Variants in IL34 observed in about 807,000 individuals in gnomAD.
IL34 encodes interleukin 34, also known as interleukin-34.
Under a neutral mutation model 25.3 loss-of-function variants are expected in IL34, and 17 were observed. The observed-to-expected ratio is 0.67, with a 90% CI of 0.46 to 1.01. The LOEUF (loss-of-function observed/expected upper bound fraction) is 1.01. Among genes scored for constraint, IL34 ranks in the 50% least tolerant of loss-of-function variants. IL34 has a pLI of 0.00. For missense variants in IL34, 368 were observed against 312.9 expected, an observed-to-expected ratio of 1.18 and a Z score of -1.33; for synonymous variants, 174 against 140.9, an observed-to-expected ratio of 1.23 and a Z score of -1.66.
intron 1 of IL34, among the ~76,000 whole-genome samples, chr16:70,594,958 T>C (rs976380527): frequency 2.8e-4 from 42 of 150,672 alleles, no homozygotes; most frequent in African/African-American, 8.6e-4. Flanking sequence ...TCTCTCTCTT[T>C]TTTTTTTTTT....
chr16:70,628,599 A>G lies in IL34; in HGVS notation c.-400-17949A>G, dbSNP rs1201903597. Among the ~76,000 whole-genome samples, 3 of 150,554 alleles carry G rather than the reference A, an allele frequency of 2.0e-5. No homozygotes were observed. The Admixed American group carries it at 2.0e-4, about 10-fold the overall frequency. On this transcript the variant is annotated intron_variant, in intron 1 of 6. Transcript: ENST00000429149. ...GCTCGCGGGTTCAAGCGATTCTCCTACCTCAGCCTCCCAAGCAGCTGGGAT... is the reference window on the plus strand; with the variant it reads ...GCTCGCGGGTTCAAGCGATTCTCCTGCCTCAGCCTCCCAAGCAGCTGGGAT...
At chr16:70,600,718 A>G (rs1388279390) in intron 1 of IL34, among the ~76,000 whole-genome samples, 1 of 152,214 alleles carries the variant, frequency 6.6e-6, no homozygotes, top group East Asian at 1.9e-4. Flanking sequence ...TAACTGGTTG[A>G]TATGACAATA....
chr16:70,588,558 T>C (rs2050719163), intron 1 of IL34, among the ~76,000 whole-genome samples: 1 of 151,790 alleles, frequency 6.6e-6, no homozygotes, highest in Middle Eastern at 3.2e-3. Flanking sequence ...TCTGGATATA[T>C]ACCAAAAAGA....
At chr16:70,637,536 G>C (rs907112199) in intron 1 of IL34, among the ~76,000 whole-genome samples, 8 of 151,976 alleles carry the variant, frequency 5.3e-5, no homozygotes, top group Admixed American at 3.3e-4. Flanking sequence ...TAGAGACGGG[G>C]TTTTACCATG....
chr16:70,584,619 C>G (rs913037112), intron 1 of IL34, among the ~76,000 whole-genome samples: 1 of 152,162 alleles, frequency 6.6e-6, no homozygotes, highest in African/African-American at 2.4e-5. Context: ...GCTTTGTCAC[C>G]CAGGCATCTT....
At chr16:70,620,187 A>T (rs2051250373) in intron 1 of IL34, among the ~76,000 whole-genome samples, 1 of 152,172 alleles carries the variant, frequency 6.6e-6, no homozygotes, top group Non-Finnish European at 1.5e-5. Context: ...TGAGAATAAG[A>T]TGGCCTTTTG....
chr16:70,584,934 C>CCTTGAACCAA (rs2151802895), intron 1 of IL34, among the ~76,000 whole-genome samples: 1 of 152,280 alleles, frequency 6.6e-6, no homozygotes, highest in South Asian at 2.1e-4. Flanking sequence ...CTCCTGACCT[C>CCTTGAACCAA]AGGCAATCTG....
intron 1 of IL34, among the ~76,000 whole-genome samples, chr16:70,603,249 C>T (rs1281433675): frequency 6.6e-6 from 1 of 152,174 alleles, no homozygotes; most frequent in Non-Finnish European, 1.5e-5. Flanking sequence ...TTAGATACAA[C>T]ATAATAAATA....
chr16:70,619,350 G>A (rs375182956), intron 1 of IL34, among the ~76,000 whole-genome samples: 17 of 152,246 alleles, frequency 1.1e-4, no homozygotes, highest in African/African-American at 4.1e-4. Flanking sequence ...GGAGGCTTTG[G>A]ATTGGGAAGA....
At chr16:70,605,275 C>G (rs2050985947) in intron 1 of IL34, among the ~76,000 whole-genome samples, 5 of 152,156 alleles carry the variant, frequency 3.3e-5, no homozygotes. Flanking sequence ...GAGAAGAGTC[C>G]AGGACCCTCT....
intron 1 of IL34, among the ~76,000 whole-genome samples, chr16:70,618,407 A>C (rs916349709): frequency 1.3e-5 from 2 of 152,294 alleles, no homozygotes; most frequent in East Asian, 3.9e-4. Context: ...GAGACTCAAC[A>C]AAGAGTGAGT....
intron 1 of IL34, among the ~76,000 whole-genome samples, chr16:70,650,374 G>C (rs530251052): frequency 1.8e-4 from 28 of 152,332 alleles, no homozygotes; most frequent in Admixed American, 1.7e-3. Context: ...CAGATCATCT[G>C]TGGACAGGGT....
chr16:70,604,352 C>T (rs1278318692), intron 1 of IL34, among the ~76,000 whole-genome samples: 1 of 152,224 alleles, frequency 6.6e-6, no homozygotes, highest in African/African-American at 2.4e-5. Flanking sequence ...ATTTCCCCTA[C>T]ACCACTGGCC....
Position 70,601,750 on chromosome 16 carries a change from C to T in IL34, c.-401+21701C>T, listed in dbSNP as rs138527514. ...AGCTCCTGCTGGGTTTCCCAGCAGC[C>T]CCAGGTGGGATGGGGACAGAGGGAA... On this transcript the variant is annotated intron_variant, in intron 1 of 6. Transcript: ENST00000429149. Among the ~76,000 whole-genome samples the T allele has an allele frequency of 6.1e-3, 928 of 152,286 alleles. 10 individuals carry two copies. Among genetic ancestry groups the T allele is most frequent in the African/African-American group, 0.021 (870 of 41,556 alleles).
intron 1 of IL34, among the ~76,000 whole-genome samples, chr16:70,636,621 A>G (rs1375232223): frequency 6.9e-6 from 1 of 145,712 alleles, no homozygotes; most frequent in Non-Finnish European, 1.5e-5. Flanking sequence ...ACACACACAC[A>G]CACACACAAA....
At chr16:70,582,136 G>C (rs1019194421) in intron 1 of IL34, among the ~76,000 whole-genome samples, 1 of 152,196 alleles carries the variant, frequency 6.6e-6, no homozygotes, top group South Asian at 2.1e-4. Flanking sequence ...CAGCTTCATC[G>C]TAACTAGAGT....
At chr16:70,626,034 G>C (rs1041061988) in intron 1 of IL34, among the ~76,000 whole-genome samples, 1 of 152,234 alleles carries the variant, frequency 6.6e-6, no homozygotes, top group African/African-American at 2.4e-5. Flanking sequence ...TCCATGAGAA[G>C]AGACCACCAC....
intron 1 of IL34, among the ~76,000 whole-genome samples, chr16:70,635,287 A>G (rs1294891739): frequency 4.6e-5 from 7 of 152,238 alleles, no homozygotes; most frequent in Admixed American, 1.3e-4. Flanking sequence ...TCTTTGCTCC[A>G]TAGAGGGGAT....
At chr16:70,655,058 CTT>C (rs201599880) in intron 2 of IL34, among the ~76,000 whole-genome samples, 11 of 145,754 alleles carry the variant, frequency 7.5e-5, no homozygotes, top group Non-Finnish European at 1.2e-4. Context: ...CTCTATGTAT[CTT>C]TTTTTTTTTT....
Sources: gnomAD v4.1 joint callset for allele counts (sites outside exome capture counted in the v4.1 genomes callset) on GRCh38, gnomAD v4.1.1 for gene constraint, MANE v1.5 for transcripts, NCBI Gene and HGNC (gene_info 2026-07-23, HGNC 2026-07-21) for gene names.